The following PALLD variants were observed in gnomAD, a reference collection of about 807,000 sequenced individuals.
The protein encoded by PALLD is palladin.
Under a neutral mutation model 123.5 loss-of-function variants are expected in PALLD, and 61 were observed. The observed-to-expected ratio is 0.49, with a 90% CI of 0.40 to 0.61. The LOEUF is 0.61. Among genes scored for constraint, PALLD ranks in the 20% least tolerant of loss-of-function variants. The pLI, the probability that PALLD is intolerant of heterozygous loss-of-function variation, is 0.00. For synonymous variants in PALLD, 465 were observed against 496.4 expected, an observed-to-expected ratio of 0.94 and a Z score of 0.84; for missense variants, 1,273 against 1,377.0, an observed-to-expected ratio of 0.92 and a Z score of 1.20.
At chr4:168,853,037 AG>A (rs1369758966) in intron 10 of PALLD, among the ~76,000 whole-genome samples, 2 of 152,224 alleles carry the variant, frequency 1.3e-5, no homozygotes, top group Non-Finnish European at 2.9e-5. Flanking sequence ...TCATAATTTT[AG>A]CCATTTAGGA....
chr4:168,706,053 G>A (rs2150182345), intron 8 of PALLD, among the ~76,000 whole-genome samples: 1 of 152,118 alleles, frequency 6.6e-6, no homozygotes, highest in Non-Finnish European at 1.5e-5. Context: ...AAATTTTTAA[G>A]TATACACTAC....
At chr4:168,716,672 A>G (rs1251947398) in intron 10 of PALLD, among the ~76,000 whole-genome samples, 3 of 152,182 alleles carry the variant, frequency 2.0e-5, no homozygotes, top group Non-Finnish European at 4.4e-5. Context: ...GCTGTTAGGG[A>G]TTGTTAGCAT....
In PALLD at chr4:168,511,832, A is replaced by G; in HGVS notation, c.328A>G (p.Thr110Ala). ...TPVQPLAEKQ[T>A]KSISSPVSKR... ...TGTCCAGCCTCTGGCAGAGAAACAA[A>G]CTAAGAGTATCTCTTCACCTGTTTC... Residue 110 changes from threonine to alanine, a missense_variant, in exon 2 of 22, where the codon ACT (threonine) becomes GCT (alanine). By Grantham distance (58) the Thr-to-Ala change is moderately conservative. Around this residue, in one of 2 missense-constraint regions of PALLD, gnomAD observed 944 missense variants for 954.5 expected, o/e 0.99. Coordinates refer to ENST00000505667, the MANE Select transcript of PALLD (RefSeq NM_001166108.2). The G allele has an allele frequency of 6.2e-7, 1 of 1,614,114 alleles. No homozygotes were observed. The highest frequency in any genetic ancestry group is 8.5e-7 in the Non-Finnish European group (1 of 1,179,984).
At chr4:168,872,629 C>A (rs1163046392) in intron 10 of PALLD, among the ~76,000 whole-genome samples, 2 of 152,198 alleles carry the variant, frequency 1.3e-5, no homozygotes, top group Non-Finnish European at 2.9e-5. Context: ...GCACTCACAA[C>A]CTCCCATAAG....
intron 1 of PALLD, among the ~76,000 whole-genome samples, chr4:168,500,748 T>G (rs954655130): frequency 6.6e-6 from 1 of 152,184 alleles, no homozygotes; most frequent in African/African-American, 2.4e-5. Flanking sequence ...TCAGGTAATC[T>G]ATCCCCAAAA....
intron 10 of PALLD, among the ~76,000 whole-genome samples, chr4:168,825,549 G>C (rs182834779): frequency 6.6e-6 from 1 of 152,162 alleles, no homozygotes; most frequent in African/African-American, 2.4e-5. Flanking sequence ...TGAAGTGCTG[G>C]GTAGAAGGAG....
chr4:168,502,711 G>A (rs1041736631), intron 1 of PALLD, among the ~76,000 whole-genome samples: 1 of 151,984 alleles, frequency 6.6e-6, no homozygotes, highest in African/African-American at 2.4e-5. Flanking sequence ...ACTGGCATAG[G>A]CGAAAAAGGG....
At chr4:168,595,606 A>G (rs1205083969) in intron 2 of PALLD, among the ~76,000 whole-genome samples, 1 of 152,214 alleles carries the variant, frequency 6.6e-6, no homozygotes, top group Non-Finnish European at 1.5e-5. Flanking sequence ...GTGTGATTGT[A>G]TGAGTAAATG....
intron 21 of PALLD, 53 bp from the exon 22 acceptor site, chr4:168,926,160 G>C: frequency 7.3e-7 from 1 of 1,366,064 alleles, no homozygotes; most frequent in Non-Finnish European, 9.8e-7. Flanking sequence ...ATATCTAAAG[G>C]CTTTCCAAGT....
chr4:168,827,025 G>T (rs145238538), intron 10 of PALLD, among the ~76,000 whole-genome samples: 426 of 152,196 alleles, frequency 2.8e-3, no homozygotes, highest in Non-Finnish European at 3.5e-3. Context: ...TTTGTTTATC[G>T]TAGCGTGGCC....
chr4:168,784,645 T>TCACA (rs1339914951), intron 10 of PALLD, among the ~76,000 whole-genome samples: 2 of 152,128 alleles, frequency 1.3e-5, no homozygotes, highest in Non-Finnish European at 2.9e-5. Flanking sequence ...TGAACATTGC[T>TCACA]CACACCTTCA....
At chr4:168,889,902 G>A (rs771472072) in intron 10 of PALLD, among the ~76,000 whole-genome samples, 1 of 152,130 alleles carries the variant, frequency 6.6e-6, no homozygotes, top group Non-Finnish European at 1.5e-5. Flanking sequence ...CTGTAGCAGG[G>A]GGCTGTTTTG....
intron 10 of PALLD, among the ~76,000 whole-genome samples, chr4:168,720,517 A>G (rs1785898232): frequency 6.6e-6 from 1 of 152,224 alleles, no homozygotes; most frequent in South Asian, 2.1e-4. Context: ...TTATAAAATT[A>G]TACACACACT....
At chr4:168,681,677 T>C (rs1781568534) in intron 4 of PALLD, among the ~76,000 whole-genome samples, 1 of 151,516 alleles carries the variant, frequency 6.6e-6, no homozygotes, top group Non-Finnish European at 1.5e-5. Flanking sequence ...CCCAAGTAGC[T>C]GGGATTATAG....
At chr4:168,630,814 T>G (rs1775730512) in intron 2 of PALLD, among the ~76,000 whole-genome samples, 1 of 152,196 alleles carries the variant, frequency 6.6e-6, no homozygotes, top group African/African-American at 2.4e-5. Flanking sequence ...TGTGTAAAAA[T>G]TAAGCACTGT....
intron 10 of PALLD, among the ~76,000 whole-genome samples, chr4:168,881,539 T>TG (rs1752609153): frequency 6.7e-6 from 1 of 148,964 alleles, no homozygotes; most frequent in African/African-American, 2.5e-5. Context: ...GACTGCGGTC[T>TG]GGGGAACTTC....
chr4:168,591,588 C>A (rs149910243), intron 2 of PALLD, among the ~76,000 whole-genome samples: 37 of 152,250 alleles, frequency 2.4e-4, no homozygotes, highest in African/African-American at 7.2e-4. Context: ...AAAGTCTCAC[C>A]TCCAACCCTG....
At chr4:168,736,913 C>A (rs181174859) in intron 10 of PALLD, among the ~76,000 whole-genome samples, 10 of 152,124 alleles carry the variant, frequency 6.6e-5, no homozygotes, top group African/African-American at 1.7e-4. Context: ...TGGTTATTAA[C>A]GTGAAGTTTA....
intron 10 of PALLD, among the ~76,000 whole-genome samples, chr4:168,861,903 C>G (rs906429118): frequency 6.6e-6 from 1 of 151,888 alleles, no homozygotes; most frequent in Non-Finnish European, 1.5e-5. Flanking sequence ...TGATCCTCCC[C>G]CTTCGGCCTC....
Sources: allele counts gnomAD v4.1 joint callset (sites outside exome capture counted in the v4.1 genomes callset), GRCh38; gene constraint gnomAD v4.1.1; regional missense constraint gnomAD v4.1.1; transcripts MANE v1.5; gene names NCBI Gene and HGNC (gene_info 2026-07-23, HGNC 2026-07-21).